CENPV: variants seen among roughly 807,000 people sequenced by gnomAD.
CENPV encodes nuclear protein p30.
A neutral mutation model predicts 26.4 loss-of-function variants in CENPV; 15 were observed. The observed-to-expected ratio is 0.57, with a 90% CI of 0.38 to 0.88. The LOEUF (loss-of-function observed/expected upper bound fraction) is 0.88, where lower values mean the gene tolerates loss of function less well. Ranked by LOEUF, CENPV falls within the 40% of genes least tolerant of loss-of-function variation. The pLI, the probability that CENPV is intolerant of heterozygous loss-of-function variation, is 0.00. For missense variants in CENPV, 336 were observed against 376.5 expected, an observed-to-expected ratio of 0.89 and a Z score of 0.89; for synonymous variants, 172 against 165.5, an observed-to-expected ratio of 1.04 and a Z score of -0.30.
intron 1 of CENPV, among the ~76,000 whole-genome samples, chr17:16,352,637 G>A (rs1197813760): frequency 7.2e-5 from 11 of 152,280 alleles, no homozygotes; most frequent in Admixed American, 6.5e-4. Flanking sequence ...AAGGGGATTC[G>A]GGTAAGAGAA....
chr17:16,348,395 G>T, intron 3 of CENPV: 1 of 1,127,746 alleles, frequency 8.9e-7, no homozygotes. Flanking sequence ...GACTTCAGGT[G>T]ATCCATCCAT....
intron 1 of CENPV, chr17:16,351,750 CT>C (rs1568870467): frequency 6.6e-6 from 1 of 152,108 alleles, no homozygotes; most frequent in Non-Finnish European, 1.5e-5. Flanking sequence ...TATTTTAAAA[CT>C]TTTTCTTGAC....
chr17:16,345,053 G>A (rs953387866), intron 3 of CENPV, among the ~76,000 whole-genome samples: 2 of 151,944 alleles, frequency 1.3e-5, no homozygotes, highest in Non-Finnish European at 2.9e-5. Context: ...TTACAGGTGT[G>A]AGCCACTGCG....
At chr17:16,344,738 C>CT (rs745626341) in intron 3 of CENPV, 27 bp from the exon 4 acceptor site, 3 of 1,268,086 alleles carry the variant, frequency 2.4e-6, no homozygotes, top group Non-Finnish European at 2.2e-6. Flanking sequence ...AAACGGTATT[C>CT]TTTTTTACAA....
At chr17:16,345,125 G>A (rs553145192) in intron 3 of CENPV, among the ~76,000 whole-genome samples, 8 of 152,060 alleles carry the variant, frequency 5.3e-5, no homozygotes, top group Non-Finnish European at 1.0e-4. Flanking sequence ...AGCCGGGTGT[G>A]GTGGCAGGCG....
intron 2 of CENPV, chr17:16,348,909 C>T: frequency 7.5e-7 from 1 of 1,334,584 alleles, no homozygotes; most frequent in Non-Finnish European, 9.7e-7. Flanking sequence ...CTGCAATGCT[C>T]AGAACACAGG....
intron 2 of CENPV, chr17:16,349,196 A>T: frequency 1.0e-6 from 1 of 989,306 alleles, no homozygotes; most frequent in Non-Finnish European, 1.2e-6. Context: ...AAAAAGTTCT[A>T]ATTTAGCACA....
intron 1 of CENPV, among the ~76,000 whole-genome samples, chr17:16,352,439 G>T (rs1180032836): frequency 5.9e-5 from 9 of 151,606 alleles, no homozygotes; most frequent in Non-Finnish European, 1.2e-4. Context: ...GCGCGAGGCC[G>T]GAGCATCTCT....
chr17:16,342,632 G>A lies in CENPV; in HGVS notation c.*185C>T. 1.7e-6 allele frequency: 1 copy of A among 599,768 alleles called. No individual in the cohort carries two copies. Among genetic ancestry groups the A allele is most frequent in the South Asian group, 2.3e-5 (1 of 42,718 alleles). 37.2% of individuals were successfully genotyped at this position (599,768 alleles called of 1,614,324 possible). A position where few individuals can be genotyped will look rare whatever the true frequency, so the allele number is the denominator to read the frequency against. ...TAGACTACATCAAAATCTGGGCAGA[G>A]GGAGGACAAAGAGCTGCCTAAAGAA... On this transcript the variant is annotated 3_prime_UTR_variant, in exon 5 of 5. Coordinates refer to ENST00000299736, the MANE Select transcript of CENPV (RefSeq NM_181716.3).
chr17:16,350,035 TG>T lies in CENPV; in HGVS notation c.411-7del, dbSNP rs778066214. 3 of 1,608,572 alleles carry T rather than the reference TG, an allele frequency of 1.9e-6. No individual in the cohort carries two copies. The highest frequency in any genetic ancestry group is 2.5e-6 in the Non-Finnish European group (3 of 1,178,732). ...TCACCAGGCCCTGGTATTCACTAAA[TG>T]AAACAAAAATCAGAAAGATAATAAT... is the stretch of plus-strand genomic sequence containing the variant. On this transcript the variant is annotated splice_region_variant and splice_polypyrimidine_tract_variant and intron_variant, in intron 1 of 4. Transcript: ENST00000299736.
rs1476724877 is a variant in CENPV at position 16,353,392 on chromosome 17, C to T, written c.45G>A (p.Gln15=). Residue 15 remains glutamine, a synonymous_variant, in exon 1 of 5, where the codon CAG becomes CAA. Transcript: ENST00000299736. ...GGGCCGCGGAGGCCCCGGACCGCTT[C>T]TGCCCGCGCAGCTTGGCGGCCGCAG... The part of the protein sequence containing the change: ...RSSAAAKLRG[Q]KRSGASAAPA... The T allele has an allele frequency of 3.0e-5, 22 of 737,366 alleles. No individual in the cohort carries two copies. The highest frequency in any genetic ancestry group is 3.2e-5 in the Non-Finnish European group (19 of 592,178). 45.7% of individuals were successfully genotyped at this position (737,366 alleles called of 1,614,324 possible).
At chr17:16,347,322 A>G (rs576317112) in intron 3 of CENPV, among the ~76,000 whole-genome samples, 2 of 152,240 alleles carry the variant, frequency 1.3e-5, no homozygotes, top group South Asian at 4.1e-4. Flanking sequence ...CTTCCTATAG[A>G]AATAGCTCCC....
Position 16,342,909 on chromosome 17 carries a change from C to T in CENPV, c.727G>A (p.Val243Met). 6.2e-7 allele frequency: 1 copy of T among 1,614,212 alleles called. No homozygotes were observed. Among genetic ancestry groups the T allele is most frequent in the Middle Eastern group, 1.6e-4 (1 of 6,062 alleles). Residue 243 changes from valine (V) to methionine (M), a missense_variant, in exon 5 of 5, where the codon GTG (valine) becomes ATG (methionine). Coordinates refer to ENST00000299736, the MANE Select transcript of CENPV (RefSeq NM_181716.3). ...IAPHCLDEGT[V>M]RSMVTEEFNG... ...AATTCCTCAGTGACCATACTCCGCA[C>T]AGTGCCCTCATCCAGGCAGTGGGGG...
intron 1 of CENPV, chr17:16,350,773 G>A (rs923272044): frequency 3.3e-5 from 5 of 152,126 alleles, no homozygotes; most frequent in African/African-American, 1.2e-4. Context: ...TGATAAAGGA[G>A]GTACAGGCTG....
At position 16,344,685 on chromosome 17, in the gene CENPV, C is replaced by T. The variant is rs369582407; in HGVS notation, c.606G>A (p.Thr202=). The change falls in exon 4 of 5, where the codon ACG becomes ACA. Residue 202 remains threonine, a synonymous_variant. Transcript: ENST00000299736. ...LKGAEHITTY[T]FNTHKAQHTF... ...TATGCTGGGCTTTGTGAGTATTGAA[C>T]GTGTAAGTCGTTATGTGCTCAGCTC... 48 of 1,595,672 alleles carry T rather than the reference C, an allele frequency of 3.0e-5. No individual in the cohort carries two copies. Among genetic ancestry groups the T allele is most frequent in the Non-Finnish European group, 4.0e-5 (47 of 1,171,856 alleles).
intron 4 of CENPV, among the ~76,000 whole-genome samples, chr17:16,343,313 C>G (rs762584650): frequency 2.6e-5 from 4 of 152,188 alleles, no homozygotes; most frequent in Non-Finnish European, 5.9e-5. Context: ...ACAGGCCTTT[C>G]CTGTGTTTAG....
intron 3 of CENPV, among the ~76,000 whole-genome samples, chr17:16,345,533 T>TA (rs926534098): frequency 3.2e-4 from 47 of 147,188 alleles, no homozygotes; most frequent in East Asian, 5.9e-4. Context: ...ATCGCACCAT[T>TA]AAAAAAAAAA....
chr17:16,349,379 C>A, intron 2 of CENPV: 13 of 985,906 alleles, frequency 1.3e-5, no homozygotes, highest in Non-Finnish European at 1.6e-5. Context: ...TAGCTGCATG[C>A]CAACTTTGGG....
chr17:16,343,697 C>T (rs2093192383), intron 4 of CENPV, among the ~76,000 whole-genome samples: 2 of 152,156 alleles, frequency 1.3e-5, no homozygotes, highest in East Asian at 3.8e-4. Flanking sequence ...CTCCATGTGA[C>T]AGATGAGGAA....
Sources: gnomAD v4.1 joint callset for allele counts (sites outside exome capture counted in the v4.1 genomes callset) on GRCh38, gnomAD v4.1.1 for gene constraint, MANE v1.5 for transcripts, NCBI Gene and HGNC (gene_info 2026-07-23, HGNC 2026-07-21) for gene names.